Variants in BOLL observed in about 807,000 individuals in gnomAD.
BOLL encodes the protein protein boule-like.
A neutral mutation model predicts 44.4 loss-of-function variants in BOLL; 23 were observed. The observed-to-expected ratio is 0.52, with a 90% confidence interval of 0.37 to 0.73. BOLL has a LOEUF of 0.73. Ranked by LOEUF, BOLL falls within the 30% of genes least tolerant of loss-of-function variation. The pLI, the probability that BOLL is intolerant of heterozygous loss-of-function variation, is 0.00. For synonymous variants in BOLL, 97 were observed against 110.8 expected, an observed-to-expected ratio of 0.88 and a Z score of 0.78; for missense variants, 287 against 338.3, an observed-to-expected ratio of 0.85 and a Z score of 1.19.
At chr2:197,781,916 G>T (rs1273069417) in intron 1 of BOLL, 51 bp from the exon 2 acceptor site, 8 of 1,416,810 alleles carry the variant, frequency 5.6e-6, no homozygotes, top group Non-Finnish European at 7.5e-6. Flanking sequence ...AATGCAGTCT[G>T]CTTTTGATGC....
At chr2:197,741,556 T>C (rs905575537) in intron 10 of BOLL, among the ~76,000 whole-genome samples, 24 of 152,156 alleles carry the variant, frequency 1.6e-4, no homozygotes, top group African/African-American at 5.6e-4. Context: ...AAACAAGAAA[T>C]GGGGAAAGGA....
Position 197,762,842 on chromosome 2 carries a change from A to T in BOLL, c.552+3690T>A, listed in dbSNP as rs939464350. On this transcript the variant is annotated intron_variant, in intron 7 of 10. Transcript: ENST00000392296. ...GGAACTAGAAGAGCAAGAACAAGCT[A>T]AACCCAAAATTAGTAGAAGAAAAGA... Among the ~76,000 whole-genome samples, 29 of 152,326 alleles carry T rather than the reference A, an allele frequency of 1.9e-4. 1 individual carries two copies. The highest frequency in any genetic ancestry group is 6.5e-4 in the African/African-American group (27 of 41,582).
At chr2:197,773,563 A>G (rs1203328242) in intron 5 of BOLL, among the ~76,000 whole-genome samples, 1 of 151,956 alleles carries the variant, frequency 6.6e-6, no homozygotes, top group African/African-American at 2.4e-5. Context: ...ATTTCTCTCT[A>G]TATACATATA....
chr2:197,749,912 GTT>G (rs1688158931), intron 9 of BOLL, among the ~76,000 whole-genome samples: 1 of 151,256 alleles, frequency 6.6e-6, no homozygotes, highest in African/African-American at 2.4e-5. Flanking sequence ...CTTGAGAAGA[GTT>G]TGGTGGGAAG....
intron 6 of BOLL, among the ~76,000 whole-genome samples, chr2:197,770,037 T>C (rs531210005): frequency 8.5e-4 from 129 of 152,200 alleles, no homozygotes; most frequent in African/African-American, 2.9e-3. Flanking sequence ...GAGCCCACAT[T>C]GCCAAGACAA....
At chr2:197,758,966 C>G in intron 7 of BOLL, 1 of 1,535,904 alleles carries the variant, frequency 6.5e-7, no homozygotes, top group Non-Finnish European at 8.7e-7. Flanking sequence ...TAAAAGGAAG[C>G]AAAGAGTCCA....
chr2:197,784,405 T>C (rs1336800495), intron 1 of BOLL, among the ~76,000 whole-genome samples: 34 of 26,764 alleles, frequency 1.3e-3, no homozygotes, highest in African/African-American at 2.7e-3. Context: ...TATATATATA[T>C]ATATATATAT....
At chr2:197,785,977 A>T (rs373105677), upstream of BOLL, 37 of 1,605,006 alleles carry the variant, frequency 2.3e-5, no homozygotes, top group East Asian at 7.2e-4. This position sits in a 1 kb window ranked among gnomAD's most constrained non-coding sequence, Gnocchi z 6.7. Context: ...TGATCGCCGT[A>T]CTCACCGGCC....
At chr2:197,734,301 A>C (rs1327586409) in intron 10 of BOLL, among the ~76,000 whole-genome samples, 1 of 152,062 alleles carries the variant, frequency 6.6e-6, no homozygotes, top group African/African-American at 2.4e-5. Context: ...ATCATTAAAA[A>C]GTCAGGAAAC....
At chr2:197,752,928 A>G (rs1688329262) in intron 9 of BOLL, among the ~76,000 whole-genome samples, 1 of 152,184 alleles carries the variant, frequency 6.6e-6, no homozygotes, top group African/African-American at 2.4e-5. Context: ...ACTAACCAAA[A>G]CAGCATGGTA....
At chr2:197,768,062 A>G (rs1208020836) in intron 6 of BOLL, among the ~76,000 whole-genome samples, 3 of 152,090 alleles carry the variant, frequency 2.0e-5, no homozygotes, top group Non-Finnish European at 4.4e-5. Flanking sequence ...GATTATCACT[A>G]TTGAAAAATC....
chr2:197,785,082 T>TC lies in BOLL; in HGVS notation c.-43dup. 1.0e-6 allele frequency: 1 copy of TC among 985,728 alleles called. No homozygotes were observed. Among genetic ancestry groups the TC allele is most frequent in the Non-Finnish European group, 1.2e-6 (1 of 829,876 alleles). The allele number at this position is 985,728 out of a possible 1,614,324, so 61.1% of individuals were successfully genotyped here. ...GTCGCAGTCACTGCCTCGGCGCTCC[T>TC]CCCCCTCCAAGGCCAGCAAGTTGCG... On this transcript the variant is annotated 5_prime_UTR_variant, in exon 1 of 11. It removes the in-frame stop codon of an upstream open reading frame in the 5' UTR. Coordinates refer to ENST00000392296, the MANE Select transcript of BOLL (RefSeq NM_033030.6). This position sits in a 1 kb window ranked among gnomAD's most constrained non-coding sequence, Gnocchi z 6.7.
upstream of BOLL, chr2:197,785,935 C>T (rs1367419196): frequency 1.4e-6 from 2 of 1,474,320 alleles, no homozygotes; most frequent in South Asian, 1.1e-5. This position sits in a 1 kb window ranked among gnomAD's most constrained non-coding sequence, Gnocchi z 6.7. Context: ...CCACGCTGCT[C>T]CTTCTCCCCG....
intron 2 of BOLL, among the ~76,000 whole-genome samples, chr2:197,780,900 A>C (rs1420742821): frequency 6.6e-6 from 1 of 152,036 alleles, no homozygotes; most frequent in African/African-American, 2.4e-5. Flanking sequence ...ATATCTATGC[A>C]TGCCTTTCTT....
chr2:197,761,366 C>G (rs1295171238), intron 7 of BOLL, among the ~76,000 whole-genome samples: 1 of 152,038 alleles, frequency 6.6e-6, no homozygotes, highest in African/African-American at 2.4e-5. Context: ...AAAAAATACT[C>G]AAGGGAGTCT....
intron 7 of BOLL, among the ~76,000 whole-genome samples, chr2:197,761,048 T>TG (rs1406915121): frequency 1.3e-5 from 2 of 152,124 alleles, no homozygotes; most frequent in African/African-American, 4.8e-5. Context: ...AGGCCAGGTG[T>TG]GGTGGCTCAT....
chr2:197,728,669 T>TGGGAG, intron 10 of BOLL, 91 bp from the exon 11 acceptor site: 1 of 845,364 alleles, frequency 1.2e-6, no homozygotes, highest in South Asian at 1.8e-5. Flanking sequence ...TCAATCAACA[T>TGGGAG]TCACTAAATA....
At chr2:197,760,997 A>T (rs540001523) in intron 7 of BOLL, among the ~76,000 whole-genome samples, 122 of 152,296 alleles carry the variant, frequency 8.0e-4, no homozygotes, top group African/African-American at 2.8e-3. Context: ...TACCCAGTAA[A>T]GCTATCCTTC....
upstream of BOLL, chr2:197,786,076 G>C (rs1057198340): frequency 6.4e-7 from 1 of 1,561,498 alleles, no homozygotes; most frequent in Non-Finnish European, 8.7e-7. The surrounding 1 kb of genome is among the most constrained non-coding windows in gnomAD (Gnocchi z 5.9). Context: ...TCACGCCAAG[G>C]CAGCAGCGCT....
Sources: gnomAD v4.1 joint callset for allele counts (sites outside exome capture counted in the v4.1 genomes callset) on GRCh38, gnomAD v4.1.1 for gene constraint, Gnocchi (gnomAD v3.1) non-coding constraint, MANE v1.5 for transcripts, NCBI Gene and HGNC (gene_info 2026-07-23, HGNC 2026-07-21) for gene names.